SELENOI: variants seen among roughly 807,000 people sequenced by gnomAD.
SELENOI encodes the protein selenoprotein I.
SELENOI carries 24 observed loss-of-function variants against 50.7 expected under a neutral mutation model. That is an observed-to-expected ratio of 0.47 (90% CI 0.34 to 0.67). The LOEUF is 0.67. SELENOI is among the 30% of genes least tolerant of loss of function. SELENOI has a pLI of 0.01. For missense variants in SELENOI, 352 were observed against 461.4 expected (o/e 0.76, Z 2.17); for synonymous variants, 155 against 170.2 (o/e 0.91, Z 0.70).
intron 1 of SELENOI, among the ~76,000 whole-genome samples, chr2:26,351,563 AT>A (rs1392285426): frequency 1.3e-5 from 2 of 152,222 alleles, no homozygotes; most frequent in Non-Finnish European, 2.9e-5. Context: ...CAAGAGAGCA[AT>A]GGAGTGTAAA....
At chr2:26,384,848 T>G in intron 7 of SELENOI, 111 bp from the exon 8 acceptor site, 1 of 696,290 alleles carries the variant, frequency 1.4e-6, no homozygotes, top group Non-Finnish European at 2.2e-6. Flanking sequence ...GCCACAAGAT[T>G]ATTGTGAGTA....
intron 4 of SELENOI, among the ~76,000 whole-genome samples, chr2:26,368,642 T>A (rs547568023): frequency 6.6e-6 from 1 of 152,334 alleles, no homozygotes; most frequent in South Asian, 2.1e-4. Context: ...ATATGATATA[T>A]GCCCTGAATT....
At chr2:26,349,647 T>C (rs961148399) in intron 1 of SELENOI, among the ~76,000 whole-genome samples, 2 of 148,312 alleles carry the variant, frequency 1.3e-5, no homozygotes, top group African/African-American at 2.5e-5. Context: ...TCCCCACTTA[T>C]CTAAGGGTGA....
intron 9 of SELENOI, among the ~76,000 whole-genome samples, chr2:26,387,706 A>G (rs1264623078): frequency 2.0e-5 from 3 of 151,866 alleles, no homozygotes; most frequent in Non-Finnish European, 4.4e-5. Flanking sequence ...AAAAAAAAAA[A>G]AAAAAAAGAA....
chr2:26,368,957 A>C (rs1677348838), intron 4 of SELENOI, among the ~76,000 whole-genome samples: 1 of 152,238 alleles, frequency 6.6e-6, no homozygotes, highest in South Asian at 2.1e-4. Context: ...TCAACAATAT[A>C]TTATGCCACA....
In SELENOI at chr2:26,392,048, C is replaced by T. The variant is rs1027077085; in HGVS notation, c.*2945C>T. On this transcript the variant is annotated 3_prime_UTR_variant, in exon 10 of 10. Coordinates refer to ENST00000260585, the MANE Select transcript of SELENOI (RefSeq NM_033505.4). Reference sequence around the variant, plus strand: ...TTTAATTCTAATTTTCAAAAGAAAGCTAAATGCTGATTGTGGTTTAGGATG... The same window carrying T: ...TTTAATTCTAATTTTCAAAAGAAAGTTAAATGCTGATTGTGGTTTAGGATG... 1 of 152,102 alleles carries T rather than the reference C, an allele frequency of 6.6e-6. No individual in the cohort carries two copies. The highest frequency in any genetic ancestry group is 2.4e-5 in the African/African-American group (1 of 41,402). 9.4% of individuals were successfully genotyped at this position (152,102 alleles called of 1,614,324 possible).
intron 4 of SELENOI, among the ~76,000 whole-genome samples, chr2:26,370,111 C>A (rs1286808150): frequency 4.6e-5 from 7 of 151,256 alleles, no homozygotes; most frequent in Admixed American, 3.3e-4. Context: ...ACATCTTGCA[C>A]CGCCCTTAAT....
Position 26,391,935 on chromosome 2 carries a change from C to T in SELENOI, c.*2832C>T, listed in dbSNP as rs10445899. Reference sequence around the variant, plus strand: ...TAGGTAATTGATAGAGTTTATGGGTCTTAGTCTTAAGGGTAACAGAGTGAA... The same window carrying T: ...TAGGTAATTGATAGAGTTTATGGGTTTTAGTCTTAAGGGTAACAGAGTGAA... On this transcript the variant is annotated 3_prime_UTR_variant, in exon 10 of 10. Transcript: ENST00000260585. 2.0e-5 allele frequency: 3 copies of T among 152,308 alleles called. No individual in the cohort carries two copies. Among genetic ancestry groups the T allele is most frequent in the Middle Eastern group, 3.4e-3 (1 of 294 alleles). 9.4% of individuals were successfully genotyped at this position (152,308 alleles called of 1,614,324 possible).
At position 26,368,794 on chromosome 2, in the gene SELENOI, T is replaced by A. The variant is rs567633128; in HGVS notation, c.310+1574T>A. ...TTGTAATAACTGTATAGGAGTTACATTGAAAATGGGAAATTGTTAAGCCAG... is the reference window on the plus strand; with the variant it reads ...TTGTAATAACTGTATAGGAGTTACAATGAAAATGGGAAATTGTTAAGCCAG... On this transcript the variant is annotated intron_variant, in intron 4 of 9. Transcript: ENST00000260585. Among the ~76,000 whole-genome samples the A allele has an allele frequency of 2.0e-5, 3 of 152,332 alleles. No individual in the cohort carries two copies. The South Asian group carries it at 6.2e-4, about 32-fold the overall frequency.
At position 26,373,536 on chromosome 2, in the gene SELENOI, A is replaced by G; in HGVS notation, c.480A>G (p.Leu160=). The G allele has an allele frequency of 6.2e-6, 10 of 1,613,896 alleles. No individual in the cohort carries two copies. Among genetic ancestry groups the G allele is most frequent in the Non-Finnish European group, 8.5e-6 (10 of 1,179,846 alleles). The change falls in exon 5 of 10, where the codon CTA becomes CTG. Residue 160 remains leucine, a synonymous_variant. Coordinates refer to ENST00000260585, the MANE Select transcript of SELENOI (RefSeq NM_033505.4). The part of the protein sequence containing the change: ...GVSVFVLYLL[L]WVVLFSFILS... ...GTGTTTTTGTTCTTTATCTCCTGCT[A>G]TGGGTAGTTTTGTTTTCTTTCATCC...
In SELENOI at chr2:26,389,531, T is replaced by C. The variant is rs113665262; in HGVS notation, c.*428T>C. On this transcript the variant is annotated 3_prime_UTR_variant, in exon 10 of 10. Coordinates refer to ENST00000260585, the MANE Select transcript of SELENOI (RefSeq NM_033505.4). ...GGGAGTAGCAGTAGTCCAAACCTAG[T>C]ATAGGGAAAGGATAAAAATAAGTCA... The C allele has an allele frequency of 0.024, 3,704 of 154,748 alleles. 119 individuals are homozygous for C. Among genetic ancestry groups the C allele is most frequent in the African/African-American group, 0.076 (3,173 of 41,526 alleles). The allele number at this position is 154,748 out of a possible 1,614,324, so 9.6% of individuals were successfully genotyped here.
At chr2:26,380,367 C>T (rs1205581941) in intron 6 of SELENOI, among the ~76,000 whole-genome samples, 1 of 152,122 alleles carries the variant, frequency 6.6e-6, no homozygotes, top group East Asian at 1.9e-4. Context: ...GCATTCCATT[C>T]TATATGTACT....
chr2:26,362,305 G>A (rs768470773), intron 1 of SELENOI, among the ~76,000 whole-genome samples: 6 of 151,992 alleles, frequency 3.9e-5, no homozygotes, highest in Non-Finnish European at 8.8e-5. Flanking sequence ...TCCTGACCTC[G>A]TGATCCATCA....
Position 26,384,964 on chromosome 2 carries a change from A to T in SELENOI, c.737A>T (p.Tyr246Phe), listed in dbSNP as rs896010616. The change falls in exon 8 of 10, where the codon TAT becomes TTT. Residue 246 changes from tyrosine (Y) to phenylalanine (F), a missense_variant. Transcript: ENST00000260585. ...TACTTGATTTTTTTTTCCAGAAGCT[A>T]TAAAAATAACACCTTGAAACTCAAT... ...PMSLLNFFRS[Y>F]KNNTLKLNSV... 1 of 1,600,190 alleles carries T rather than the reference A, an allele frequency of 6.2e-7. No homozygotes were observed. The highest frequency in any genetic ancestry group is 1.8e-5 in the Admixed American group (1 of 56,556).
chr2:26,364,853 C>A lies in SELENOI; in HGVS notation c.148C>A (p.Pro50Thr), dbSNP rs1295206563. Residue 50 changes from proline (P) to threonine (T), a missense_variant, in exon 3 of 10, where the codon CCC becomes ACC. Physicochemically the swap from Pro to Thr is conservative, Grantham distance 38. Coordinates refer to ENST00000260585, the MANE Select transcript of SELENOI (RefSeq NM_033505.4). ...ATAGGTATTTCCTACTTGGCTGGCG[C>A]CCAATCTGATAACTTTTTCTGGCTT... ...IVKVFPTWLA[P>T]NLITFSGFLL... is the part of the protein sequence containing the mutation. 3.1e-6 allele frequency: 5 copies of A among 1,609,066 alleles called. No individual in the cohort carries two copies. Among genetic ancestry groups the A allele is most frequent in the Non-Finnish European group, 4.2e-6 (5 of 1,178,052 alleles).
Position 26,386,532 on chromosome 2 carries a change from G to T in SELENOI, c.1091G>T (p.Arg364Leu), listed in dbSNP as rs777146697. Reference protein sequence around the residue: ...FTLAHIHYGVRVVKQLSSHFQ... With the variant: ...FTLAHIHYGVLVVKQLSSHFQ... ...CTGGCCCACATCCATTATGGAGTAC[G>T]AGTGGTGAGTAATCTACAGCAAAAT... is the stretch of plus-strand genomic sequence containing the variant. The change falls in exon 9 of 10, where the codon CGA becomes CTA. Residue 364 changes from arginine to leucine, a missense_variant. Coordinates refer to ENST00000260585, the MANE Select transcript of SELENOI (RefSeq NM_033505.4). The T allele has an allele frequency of 3.8e-6, 6 of 1,594,988 alleles. No homozygotes were observed. Among genetic ancestry groups the T allele is most frequent in the African/African-American group, 1.4e-5 (1 of 73,972 alleles).
Position 26,364,445 on chromosome 2 carries a change from T to C in SELENOI, c.126+75T>C. 3.2e-6 allele frequency: 3 copies of C among 929,248 alleles called. No individual in the cohort carries two copies. In the Admixed American group the frequency reaches 7.2e-5, roughly 22 times the overall value. The allele number at this position is 929,248 out of a possible 1,614,324, so 57.6% of individuals were successfully genotyped here. ...TTTTAACCTATTTTATGGAGTATTA[T>C]AAATGCAACTCTCAGTTTCATAAGA... On this transcript the variant is annotated intron_variant, in intron 2 of 9. Coordinates refer to ENST00000260585, the MANE Select transcript of SELENOI (RefSeq NM_033505.4).
chr2:26,356,641 G>A (rs1173816535), intron 1 of SELENOI, among the ~76,000 whole-genome samples: 2 of 152,098 alleles, frequency 1.3e-5, no homozygotes, highest in Non-Finnish European at 2.9e-5. Flanking sequence ...ATTGTCACTT[G>A]CCTGATAAAC....
chr2:26,362,823 A>C lies in SELENOI; in HGVS notation c.58-1479A>C, dbSNP rs75252167. On this transcript the variant is annotated intron_variant, in intron 1 of 9. Coordinates refer to ENST00000260585, the MANE Select transcript of SELENOI (RefSeq NM_033505.4). The stretch of plus-strand genomic sequence containing the variant: ...AGTATAATATGTAAATTTCAGATGG[A>C]TGAATTAGGTAATCACCCAGGTAAT... Among the ~76,000 whole-genome samples the C allele has an allele frequency of 9.1e-3, 1,379 of 152,196 alleles. 13 individuals are homozygous for C. Among genetic ancestry groups the C allele is most frequent in the Middle Eastern group, 0.031 (9 of 292 alleles).
Sources: allele counts gnomAD v4.1 joint callset (sites outside exome capture counted in the v4.1 genomes callset), GRCh38; gene constraint gnomAD v4.1.1; transcripts MANE v1.5; gene names NCBI Gene and HGNC (gene_info 2026-07-23, HGNC 2026-07-21).